NBAS: variants seen among roughly 807,000 people sequenced by gnomAD.
NBAS encodes NAG/BC035112 fusion.
Under a neutral mutation model 302.5 loss-of-function variants are expected in NBAS, and 219 were observed. That is an observed-to-expected ratio of 0.72 (90% CI 0.65 to 0.81). The LOEUF (loss-of-function observed/expected upper bound fraction) is 0.81. NBAS is among the 30% of genes least tolerant of loss of function. The pLI is 0.00. For missense variants in NBAS, 2,932 were observed against 2,841.6 expected (o/e 1.03, Z -0.72); for synonymous variants, 1,118 against 1,021.6 (o/e 1.09, Z -1.80).
At chr2:14,832,849 C>A in the NBAS span, among the ~76,000 whole-genome samples, 2 of 152,148 alleles carry the variant, frequency 1.3e-5, no homozygotes, top group South Asian at 4.1e-4. Context: ...TTGTGACAAG[C>A]AAAACTGTTT....
chr2:15,518,380 G>C (rs1236099961), intron 9 of NBAS, among the ~76,000 whole-genome samples: 1 of 152,020 alleles, frequency 6.6e-6, no homozygotes, highest in Admixed American at 6.6e-5. Context: ...AGCGTTATTT[G>C]TTTTTGCATT....
At chr2:15,112,760 C>CAAA in the NBAS span, among the ~76,000 whole-genome samples, 20 of 2,512 alleles carry the variant, frequency 8.0e-3, no homozygotes, top group Middle Eastern at 0.071. Flanking sequence ...AAATATAAAC[C>CAAA]GAATTTCAAG....
At chr2:15,477,955 C>A (rs1173455855) in intron 13 of NBAS, among the ~76,000 whole-genome samples, 1 of 152,178 alleles carries the variant, frequency 6.6e-6, no homozygotes. Context: ...GAAGCTTGAT[C>A]TCACCCAAGG....
chr2:15,355,964 C>A (rs1553294847), intron 33 of NBAS, among the ~76,000 whole-genome samples: 1 of 152,034 alleles, frequency 6.6e-6, no homozygotes, highest in Non-Finnish European at 1.5e-5. Context: ...TATATAGACA[C>A]AAACTAATAT....
At chr2:14,872,844 C>G in the NBAS span, among the ~76,000 whole-genome samples, 31,794 of 151,836 alleles carry the variant, frequency 0.21, 5,743 homozygotes, top group African/African-American at 0.49. Flanking sequence ...TGGTGAGCGT[C>G]TTACAGCTCT....
the NBAS span, among the ~76,000 whole-genome samples, chr2:15,148,134 C>T: frequency 3.3e-5 from 5 of 152,164 alleles, no homozygotes; most frequent in South Asian, 2.1e-4. Context: ...GATTAACATA[C>T]GAGACAGTCA....
the NBAS span, among the ~76,000 whole-genome samples, chr2:14,812,894 T>C: frequency 6.6e-6 from 1 of 152,144 alleles, no homozygotes; most frequent in African/African-American, 2.4e-5. Context: ...GGGGGTGGTT[T>C]CCTATGGTTT....
chr2:14,788,773 G>C, the NBAS span, among the ~76,000 whole-genome samples: 7 of 152,202 alleles, frequency 4.6e-5, no homozygotes, highest in Admixed American at 3.9e-4. Context: ...CTGCTCGGGG[G>C]TCAGGGGTTA....
chr2:14,849,049 A>C, the NBAS span, among the ~76,000 whole-genome samples: 1 of 151,196 alleles, frequency 6.6e-6, no homozygotes, highest in African/African-American at 2.4e-5. Flanking sequence ...GCAGTTCCTC[A>C]CCAGCAACGG....
the NBAS span, among the ~76,000 whole-genome samples, chr2:15,068,859 G>C: frequency 7.0e-4 from 107 of 152,254 alleles, no homozygotes; most frequent in African/African-American, 2.4e-3. Flanking sequence ...TATAAGAAAG[G>C]GGATTTATTC....
In NBAS at chr2:15,176,403, TA is replaced by T. The variant is rs551313230; in HGVS notation, c.6840+2584del. ...CAGTATGAGAGATCCTTGTGTCTGGTACCTTGACTGCAGTTAGTGGTCACAC... is the reference window on the plus strand; with the variant it reads ...CAGTATGAGAGATCCTTGTGTCTGGTCCTTGACTGCAGTTAGTGGTCACAC... On this transcript the variant is annotated intron_variant, in intron 51 of 51. Transcript: ENST00000281513. Among the ~76,000 whole-genome samples, 535 of 152,182 alleles carry T rather than the reference TA, an allele frequency of 3.5e-3. 6 individuals are homozygous for T. Among genetic ancestry groups the T allele is most frequent in the African/African-American group, 0.012 (498 of 41,512 alleles).
At chr2:15,026,313 G>A in the NBAS span, among the ~76,000 whole-genome samples, 5 of 44,614 alleles carry the variant, frequency 1.1e-4, 1 homozygote, top group African/African-American at 5.0e-4. Context: ...AAAATTAGCC[G>A]GGCGCGGTGG....
In NBAS at chr2:15,561,270, G is replaced by A. The variant is rs527726971; in HGVS notation, c.35C>T (p.Pro12Leu). The change falls in exon 1 of 52, where the codon CCA (proline) becomes CTA (leucine). Residue 12 changes from proline (P) to leucine (L), a missense_variant. Transcript: ENST00000281513. Reference protein sequence around the residue: ...AAPESGPALSPGTAEGEEETI... With the variant: ...AAPESGPALSLGTAEGEEETI... ...CTCCTCCTCACCCTCTGCAGTGCCT[G>A]GACTCAAAGCCGGCCCTGACTCGGG... The A allele has an allele frequency of 6.2e-7, 1 of 1,613,840 alleles. No homozygotes were observed. Among genetic ancestry groups the A allele is most frequent in the Non-Finnish European group, 8.5e-7 (1 of 1,180,030 alleles).
intron 10 of NBAS, among the ~76,000 whole-genome samples, chr2:15,510,857 T>C (rs1004910639): frequency 4.6e-5 from 7 of 152,200 alleles, no homozygotes; most frequent in Admixed American, 2.6e-4. Context: ...AAGGGTTACT[T>C]AGAATTAAAT....
the NBAS span, among the ~76,000 whole-genome samples, chr2:15,047,451 A>C: frequency 6.6e-6 from 1 of 152,112 alleles, no homozygotes; most frequent in Non-Finnish European, 1.5e-5. Flanking sequence ...ATGCAAGTAA[A>C]GGCTGGGCCC....
At chr2:15,300,353 A>G (rs562309131) in intron 40 of NBAS, among the ~76,000 whole-genome samples, 1 of 152,356 alleles carries the variant, frequency 6.6e-6, no homozygotes, top group East Asian at 1.9e-4. Flanking sequence ...CTTTGATTTC[A>G]ATTTCCAAGA....
chr2:15,152,740 T>G, the NBAS span, among the ~76,000 whole-genome samples: 1 of 152,238 alleles, frequency 6.6e-6, no homozygotes, highest in African/African-American at 2.4e-5. Context: ...AACCATACAC[T>G]GCCTGCTTTA....
At chr2:14,859,058 C>A in the NBAS span, among the ~76,000 whole-genome samples, 5 of 151,748 alleles carry the variant, frequency 3.3e-5, no homozygotes, top group African/African-American at 1.2e-4. Flanking sequence ...ATCTGAAAAA[C>A]AAATCAAGAA....
Position 15,394,345 on chromosome 2 carries a change from A to G in NBAS, c.3139T>C (p.Ser1047Pro), listed in dbSNP as rs1558300003. ...AGTCCATGTTTTTCCAAAAGCTCTG[A>G]CACACTATAAGTGAAAAAAGAATTA... ...VDQLEQILSVSELLEKHGLEK... is the reference protein window; with the variant it reads ...VDQLEQILSVPELLEKHGLEK... The change falls in exon 28 of 52, where the codon TCA (serine) becomes CCA (proline). Residue 1047 changes from serine (S) to proline (P), a missense_variant. Physicochemically the swap from Ser to Pro is moderately conservative, Grantham distance 74. Coordinates refer to ENST00000281513, the MANE Select transcript of NBAS (RefSeq NM_015909.4). The G allele has an allele frequency of 1.9e-6, 3 of 1,612,880 alleles. No individual in the cohort carries two copies. Among genetic ancestry groups the G allele is most frequent in the Non-Finnish European group, 2.5e-6 (3 of 1,179,134 alleles).
Sources: allele counts gnomAD v4.1 joint callset (sites outside exome capture counted in the v4.1 genomes callset), GRCh38; gene constraint gnomAD v4.1.1; transcripts MANE v1.5; gene names NCBI Gene and HGNC (gene_info 2026-07-23, HGNC 2026-07-21).